The following SLC25A15 variants were observed in gnomAD, a reference collection of about 807,000 sequenced individuals.
The protein encoded by SLC25A15 is solute carrier family 25 member 15.
Under a neutral mutation model 32.3 loss-of-function variants are expected in SLC25A15, and 24 were observed. The ratio of observed to expected loss-of-function variants is 0.74; its 90% CI spans 0.54 to 1.04. The LOEUF (loss-of-function observed/expected upper bound fraction) is 1.04, where lower values mean the gene tolerates loss of function less well. SLC25A15 is among the 50% of genes least tolerant of loss of function. SLC25A15 has a pLI of 0.00. For missense variants in SLC25A15, 317 were observed against 374.5 expected, an observed-to-expected ratio of 0.85 and a Z score of 1.27; for synonymous variants, 132 against 142.1, an observed-to-expected ratio of 0.93 and a Z score of 0.51.
At chr13:40,808,216 G>A (rs1479169635) in intron 5 of SLC25A15, among the ~76,000 whole-genome samples, 1 of 152,198 alleles carries the variant, frequency 6.6e-6, no homozygotes. Context: ...AAGGCTTCTT[G>A]TACTTGGCAA....
intron 2 of SLC25A15, 113 bp from the exon 3 acceptor site, chr13:40,798,943 AG>A: frequency 6.2e-7 from 1 of 1,603,074 alleles, no homozygotes; most frequent in South Asian, 1.1e-5. Context: ...GGAGGAAAAG[AG>A]GTTGAAATGA....
chr13:40,794,901 A>G (rs943345248), intron 2 of SLC25A15, among the ~76,000 whole-genome samples: 30 of 151,516 alleles, frequency 2.0e-4, no homozygotes, highest in African/African-American at 7.0e-4. Flanking sequence ...GTGTTTTTCC[A>G]TGAGCCAAAG....
chr13:40,811,245 C>G lies in SLC25A15; in HGVS notation c.*1578C>G, dbSNP rs1198301164. Among the ~76,000 whole-genome samples the G allele has an allele frequency of 6.6e-6, 1 of 152,210 alleles. No individual in the cohort carries two copies. Among genetic ancestry groups the G allele is most frequent in the East Asian group, 1.9e-4 (1 of 5,190 alleles). On this transcript the variant is annotated 3_prime_UTR_variant, in exon 7 of 7. Coordinates refer to ENST00000338625, the MANE Select transcript of SLC25A15 (RefSeq NM_014252.4). ...GTGGCTCACGCCTATAATCCCAGCA[C>G]TTTGGGAGGCTGAGGCGGGCGGGTC...
chr13:40,811,448 C>A lies in SLC25A15; in HGVS notation c.*1781C>A, dbSNP rs1354639365. 6.6e-6 allele frequency among the ~76,000 whole-genome samples: 1 copy of A among 151,854 alleles called. No individual in the cohort carries two copies. The highest frequency in any genetic ancestry group is 1.5e-5 in the Non-Finnish European group (1 of 67,980). On this transcript the variant is annotated 3_prime_UTR_variant, in exon 7 of 7. Coordinates refer to ENST00000338625, the MANE Select transcript of SLC25A15 (RefSeq NM_014252.4). ...AGGTTGCAGTGAACTGAGATTGTGCCACTGCACTCCAGACTGGGTGACACA... is the reference window on the plus strand; with the variant it reads ...AGGTTGCAGTGAACTGAGATTGTGCAACTGCACTCCAGACTGGGTGACACA...
In SLC25A15 at chr13:40,807,360, C is replaced by T; in HGVS notation, c.519C>T (p.Leu173=). The change falls in exon 5 of 7, where the codon CTC becomes CTT. Residue 173 remains leucine (L), a synonymous_variant. Transcript: ENST00000338625. ...GCCCCTTGGGGTTCTACCATGGACTCTCAAGCACTTTACTTCGAGAAGTAC... is the reference window on the plus strand; with the variant it reads ...GCCCCTTGGGGTTCTACCATGGACTTTCAAGCACTTTACTTCGAGAAGTAC... ...KDGPLGFYHG[L]SSTLLREVPG... 3 of 1,614,118 alleles carry T rather than the reference C, an allele frequency of 1.9e-6. No individual in the cohort carries two copies. Among genetic ancestry groups the T allele is most frequent in the Non-Finnish European group, 2.5e-6 (3 of 1,180,000 alleles).
At chr13:40,795,528 C>G (rs1017682608) in intron 2 of SLC25A15, among the ~76,000 whole-genome samples, 3 of 152,152 alleles carry the variant, frequency 2.0e-5, no homozygotes, top group African/African-American at 7.2e-5. Context: ...CACACTGTCC[C>G]CATCACTGTT....
chr13:40,805,127 GA>G lies in SLC25A15; in HGVS notation c.326del (p.Asn109MetfsTer22). 6.2e-7 allele frequency: 1 copy of G among 1,614,128 alleles called. No individual in the cohort carries two copies. Among genetic ancestry groups the G allele is most frequent in the Non-Finnish European group, 8.5e-7 (1 of 1,180,004 alleles). ...GCTTGTGTGCTTTCAGTGATCTGCA[GA>G]ATGCAGCCGCCGGTTCCTTCGCCTC... The part of the protein sequence containing the change: ...DKQAKLSDLQ[N>X]AAAGSFASAF... On this transcript the variant is annotated frameshift_variant, in exon 4 of 7. Coordinates refer to ENST00000338625, the MANE Select transcript of SLC25A15 (RefSeq NM_014252.4). LOFTEE classifies it high-confidence loss of function.
rs765309918 is a variant in SLC25A15 at position 40,810,718 on chromosome 13, C to T, written c.*1051C>T. On this transcript the variant is annotated 3_prime_UTR_variant, in exon 7 of 7. Transcript: ENST00000338625. ...GTCAGGCCTTTGGGAAATAGCATGG[C>T]CTTTACCAGCTTCCCTTCTCTCCCA... 3.7e-6 allele frequency: 2 copies of T among 533,684 alleles called. No homozygotes were observed. Among genetic ancestry groups the T allele is most frequent in the African/African-American group, 3.9e-5 (2 of 51,936 alleles). The allele number at this position is 533,684 out of a possible 1,614,324, so 33.1% of individuals were successfully genotyped here.
At position 40,810,782 on chromosome 13, in the gene SLC25A15, CT is replaced by C. The variant is rs1415283005; in HGVS notation, c.*1116del. ...CTTGGGCTTTAGATTGAGGAAGGGG[CT>C]GAGTGGTAGGCGGTGCTGCTGTGCT... On this transcript the variant is annotated 3_prime_UTR_variant, in exon 7 of 7. Transcript: ENST00000338625. 1.9e-6 allele frequency: 1 copy of C among 534,788 alleles called. No individual in the cohort carries two copies. Among genetic ancestry groups the C allele is most frequent in the Admixed American group, 1.9e-5 (1 of 51,608 alleles). 33.1% of individuals were successfully genotyped at this position (534,788 alleles called of 1,614,324 possible). A position where few individuals can be genotyped will look rare whatever the true frequency, so the allele number is the denominator to read the frequency against.
At chr13:40,795,291 A>G (rs1163176023) in intron 2 of SLC25A15, among the ~76,000 whole-genome samples, 1 of 152,212 alleles carries the variant, frequency 6.6e-6, no homozygotes, top group Non-Finnish European at 1.5e-5. Flanking sequence ...AGCTTTTGAC[A>G]TTTTATGTCT....
chr13:40,806,910 T>C (rs1268750618), intron 4 of SLC25A15, among the ~76,000 whole-genome samples: 1 of 152,240 alleles, frequency 6.6e-6, no homozygotes, highest in Non-Finnish European at 1.5e-5. Context: ...AGGAGCTATA[T>C]AACTTGTTCT....
At chr13:40,808,281 G>A (rs1882279178) in intron 5 of SLC25A15, among the ~76,000 whole-genome samples, 157 bp from the exon 6 acceptor site, 2 of 152,224 alleles carry the variant, frequency 1.3e-5, no homozygotes, top group African/African-American at 2.4e-5. Context: ...TAGAGCTTGG[G>A]AACAAGAGCT....
intron 3 of SLC25A15, among the ~76,000 whole-genome samples, chr13:40,800,571 A>G (rs1372273317): frequency 1.3e-5 from 2 of 152,188 alleles, no homozygotes; most frequent in African/African-American, 4.8e-5. Context: ...AAGACAGGGA[A>G]ACAGTAAGCA....
chr13:40,792,544 G>A (rs761100076), intron 1 of SLC25A15, among the ~76,000 whole-genome samples: 4 of 152,216 alleles, frequency 2.6e-5, no homozygotes, highest in African/African-American at 4.8e-5. Flanking sequence ...GCTTGTGCAC[G>A]GTGTGGCGTC....
Position 40,793,175 on chromosome 13 carries a change from CAT to C in SLC25A15, c.-50_-49del. On this transcript the variant is annotated 5_prime_UTR_variant, in exon 2 of 7. An upstream open reading frame in the 5' UTR loses its in-frame stop. Transcript: ENST00000338625. Reference sequence around the variant, plus strand: ...CCCCCCAGGGATATGTGGTGCCTGTCATAAGCTCCAGAGAGCTGCCTTCCACA... The same window carrying C: ...CCCCCCAGGGATATGTGGTGCCTGTCAAGCTCCAGAGAGCTGCCTTCCACA... 6.3e-7 allele frequency: 1 copy of C among 1,596,964 alleles called. No individual in the cohort carries two copies. Among genetic ancestry groups the C allele is most frequent in the Non-Finnish European group, 8.6e-7 (1 of 1,164,972 alleles).
At chr13:40,808,162 C>T (rs1307285505) in intron 5 of SLC25A15, among the ~76,000 whole-genome samples, 1 of 152,212 alleles carries the variant, frequency 6.6e-6, no homozygotes, top group East Asian at 1.9e-4. Context: ...TCGTGTGGGC[C>T]AGCCCTTGAC....
In SLC25A15 at chr13:40,811,794, G is replaced by A. The variant is rs1238075771; in HGVS notation, c.*2127G>A. Among the ~76,000 whole-genome samples, 2 of 152,218 alleles carry A rather than the reference G, an allele frequency of 1.3e-5. No individual in the cohort carries two copies. The highest frequency in any genetic ancestry group is 4.8e-5 in the African/African-American group (2 of 41,450). On this transcript the variant is annotated 3_prime_UTR_variant, in exon 7 of 7. Coordinates refer to ENST00000338625, the MANE Select transcript of SLC25A15 (RefSeq NM_014252.4). ...TTTAATAATAGTCCATACCATGTAT[G>A]TGTTTCTGTCAGCAGAATGTACATG...
intron 2 of SLC25A15, among the ~76,000 whole-genome samples, chr13:40,795,933 C>T (rs1593289361): frequency 6.6e-6 from 1 of 152,152 alleles, no homozygotes; most frequent in East Asian, 1.9e-4. Flanking sequence ...ACTGTGATCC[C>T]TGGGTCCCTT....
chr13:40,791,094 C>A (rs1881473228), intron 1 of SLC25A15, among the ~76,000 whole-genome samples: 1 of 151,580 alleles, frequency 6.6e-6, no homozygotes, highest in African/African-American at 2.4e-5. Context: ...TTTTTTCTTT[C>A]CCAAAAATAT....
Sources: allele counts gnomAD v4.1 joint callset (sites outside exome capture counted in the v4.1 genomes callset), GRCh38; gene constraint gnomAD v4.1.1; transcripts MANE v1.5; gene names NCBI Gene and HGNC (gene_info 2026-07-23, HGNC 2026-07-21).